The following MBTPS1 variants were observed in gnomAD, a reference collection of about 807,000 sequenced individuals.
The protein encoded by MBTPS1 is membrane-bound transcription factor site-1 protease.
A neutral mutation model predicts 127.8 loss-of-function variants in MBTPS1; 94 were observed. That is an observed-to-expected ratio of 0.74 (90% CI 0.62 to 0.87). The LOEUF (loss-of-function observed/expected upper bound fraction) is 0.87. MBTPS1 is among the 40% of genes least tolerant of loss of function. The pLI is 0.00. For synonymous variants in MBTPS1, 632 were observed against 509.4 expected (o/e 1.24, Z -3.24); for missense variants, 1,636 against 1,353.2 (o/e 1.21, Z -3.28).
At chr16:84,083,771 A>AT (rs2085976664) in intron 10 of MBTPS1, among the ~76,000 whole-genome samples, 2 of 152,380 alleles carry the variant, frequency 1.3e-5, no homozygotes, top group South Asian at 4.1e-4. Flanking sequence ...TTTGTGTGTT[A>AT]TCACAACACT....
intron 16 of MBTPS1, 106 bp downstream of exon 16, chr16:84,067,561 C>T: frequency 1.1e-6 from 1 of 919,132 alleles, no homozygotes; most frequent in Non-Finnish European, 1.7e-6. Context: ...TGTGTCTGTG[C>T]CAACTGGAAA....
At chr16:84,082,017 A>G (rs971777741) in intron 10 of MBTPS1, 109 bp from the exon 11 acceptor site, 1 of 685,820 alleles carries the variant, frequency 1.5e-6, no homozygotes, top group Non-Finnish European at 2.1e-6. Context: ...AGTCTTGTTT[A>G]GTATCCAACA....
At chr16:84,079,086 AG>A (rs2085901106) in intron 11 of MBTPS1, among the ~76,000 whole-genome samples, 2 of 152,204 alleles carry the variant, frequency 1.3e-5, no homozygotes. Context: ...CACTCAGCTC[AG>A]GCAAGATCTG....
chr16:84,054,629 G>A lies in MBTPS1; in HGVS notation c.2979C>T (p.Arg993=), dbSNP rs1294827152. Residue 993 remains arginine, a synonymous_variant, in exon 23 of 23, where the codon CGC becomes CGT. Coordinates refer to ENST00000343411, the MANE Select transcript of MBTPS1 (RefSeq NM_003791.4). ...TGGTCTGGCCCACCTCCTGGTTGTA[G>A]CGGCCAGGCATGATCCCTGTAAGAG... ...WDIPGGIMPG[R]YNQEVGQTIP... The A allele has an allele frequency of 6.2e-7, 1 of 1,608,852 alleles. No homozygotes were observed. The highest frequency in any genetic ancestry group is 2.2e-5 in the East Asian group (1 of 44,672).
intron 3 of MBTPS1, among the ~76,000 whole-genome samples, chr16:84,097,922 T>C (rs2086200777): frequency 6.6e-6 from 1 of 151,666 alleles, no homozygotes; most frequent in South Asian, 2.1e-4. Flanking sequence ...AGGCCTAAAA[T>C]ATGATAGACA....
chr16:84,098,945 T>G (rs1480452459), intron 3 of MBTPS1, 108 bp downstream of exon 3: 16 of 1,124,416 alleles, frequency 1.4e-5, no homozygotes, highest in Non-Finnish European at 6.4e-6. Flanking sequence ...ATTAGCAAAC[T>G]AGATGGAAGG....
At chr16:84,095,105 C>T (rs2086161349) in intron 4 of MBTPS1, among the ~76,000 whole-genome samples, 1 of 152,198 alleles carries the variant, frequency 6.6e-6, no homozygotes, top group South Asian at 2.1e-4. Context: ...TGAAACAAAT[C>T]ATCAGCAGGT....
Position 84,084,976 on chromosome 16 carries a change from C to T in MBTPS1, c.1286+7G>A. The T allele has an allele frequency of 6.2e-7, 1 of 1,613,576 alleles. No homozygotes were observed. Among genetic ancestry groups the T allele is most frequent in the South Asian group, 1.1e-5 (1 of 90,926 alleles). ...GGAGCTACTGGTCTCTAGGGGGCAG[C>T]ACTCACCTCACTAACAAGGTGACAG... On this transcript the variant is annotated splice_region_variant and intron_variant, in intron 10 of 22. Coordinates refer to ENST00000343411, the MANE Select transcript of MBTPS1 (RefSeq NM_003791.4).
intron 20 of MBTPS1, 176 bp downstream of exon 20, chr16:84,060,506 G>C: frequency 1.6e-6 from 1 of 630,736 alleles, no homozygotes; most frequent in Middle Eastern, 4.5e-4. Context: ...GACTAAGGAT[G>C]GCCTCTCGGC....
At chr16:84,108,544 G>A (rs957584849) in intron 1 of MBTPS1, among the ~76,000 whole-genome samples, 1 of 152,232 alleles carries the variant, frequency 6.6e-6, no homozygotes, top group East Asian at 1.9e-4. Context: ...TGGGATTACA[G>A]GTGTGAGCCA....
chr16:84,078,363 C>G (rs2085891521), intron 11 of MBTPS1, among the ~76,000 whole-genome samples: 2 of 113,754 alleles, frequency 1.8e-5, no homozygotes, highest in Non-Finnish European at 1.8e-5. Context: ...CCTAACAGAG[C>G]TACCCGATGC....
Position 84,057,629 on chromosome 16 carries a change from A to T in MBTPS1, c.2832-1494T>A, listed in dbSNP as rs185817152. 6.4e-4 allele frequency: 97 copies of T among 152,380 alleles called. 1 individual carries two copies. Among genetic ancestry groups the T allele is most frequent in the Admixed American group, 6.1e-3 (94 of 15,294 alleles). 9.4% of individuals were successfully genotyped at this position (152,380 alleles called of 1,614,324 possible). On this transcript the variant is annotated intron_variant, in intron 21 of 22. Transcript: ENST00000343411. ...CTGCCCCCAGCACTGGGCTGACAGC[A>T]TCTGGAGCTGTCTCCTGGTCTCAAA...
In MBTPS1 at chr16:84,101,649, C is replaced by T. The variant is rs1012620331; in HGVS notation, c.135G>A (p.Val45=). ...ATTCCACAACTGTTGATGAGAATTC[C>T]ACCTTCAAAGTCAGGTGGGAACAGC... is the stretch of plus-strand genomic sequence containing the variant. The part of the protein sequence containing the change: ...CPGCSHLTLK[V]EFSSTVVEYE... Residue 45 remains valine, a synonymous_variant, in exon 2 of 23, where the codon GTG becomes GTA. Transcript: ENST00000343411. 1.2e-5 allele frequency: 20 copies of T among 1,613,758 alleles called. No individual in the cohort carries two copies. Among genetic ancestry groups the T allele is most frequent in the Non-Finnish European group, 1.7e-5 (20 of 1,179,940 alleles).
At chr16:84,097,837 C>CGTGTGTATGTGT (rs377529384) in intron 3 of MBTPS1, among the ~76,000 whole-genome samples, 123 of 143,130 alleles carry the variant, frequency 8.6e-4, no homozygotes, top group African/African-American at 3.0e-3. Flanking sequence ...AACTTCTCTT[C>CGTGTGTATGTGT]GTGTGTGTGT....
chr16:84,065,210 CA>C (rs1398186929), intron 18 of MBTPS1, among the ~76,000 whole-genome samples: 1 of 151,492 alleles, frequency 6.6e-6, no homozygotes, highest in Non-Finnish European at 1.5e-5. Flanking sequence ...CTCTGCCTCC[CA>C]GGTTCAAGCG....
chr16:84,116,095 C>T (rs1230714304), intron 1 of MBTPS1, among the ~76,000 whole-genome samples: 5 of 152,176 alleles, frequency 3.3e-5, no homozygotes, highest in Non-Finnish European at 7.3e-5. Flanking sequence ...GTATTCCACT[C>T]CACGTAATTT....
At chr16:84,093,683 C>T (rs2086141536) in intron 5 of MBTPS1, 28 bp downstream of exon 5, 2 of 1,462,570 alleles carry the variant, frequency 1.4e-6, no homozygotes, top group Admixed American at 3.4e-5. Flanking sequence ...GATCACATGA[C>T]CACGTTCTCA....
At chr16:84,096,067 AAAT>A (rs1216680750) in intron 3 of MBTPS1, among the ~76,000 whole-genome samples, 2 of 152,206 alleles carry the variant, frequency 1.3e-5, no homozygotes, top group African/African-American at 2.4e-5. Flanking sequence ...TGATTAAATT[AAAT>A]AATAATAATT....
chr16:84,063,476 T>C (rs894034840), intron 18 of MBTPS1, 31 bp from the exon 19 acceptor site: 7 of 1,607,212 alleles, frequency 4.4e-6, no homozygotes, highest in Non-Finnish European at 5.1e-6. Context: ...ACAACAGCCA[T>C]GAGAGTTTCC....
Sources: gnomAD v4.1 joint callset for allele counts (sites outside exome capture counted in the v4.1 genomes callset) on GRCh38, gnomAD v4.1.1 for gene constraint, MANE v1.5 for transcripts, NCBI Gene and HGNC (gene_info 2026-07-23, HGNC 2026-07-21) for gene names.